The following TAF2 variants were observed in gnomAD, a reference collection of about 807,000 sequenced individuals.
The protein encoded by TAF2 is transcription initiation factor TFIID subunit 2.
In TAF2, 61 loss-of-function variants were observed where a neutral mutation model predicts 138.5. That is an observed-to-expected ratio of 0.44 (90% CI 0.36 to 0.54). The LOEUF is 0.54. Among genes scored for constraint, TAF2 ranks in the 20% least tolerant of loss-of-function variants. The pLI, the probability that TAF2 is intolerant of heterozygous loss-of-function variation, is 0.00. For synonymous variants in TAF2, 475 were observed against 469.9 expected (o/e 1.01, Z -0.14); for missense variants, 1,090 against 1,427.9 (o/e 0.76, Z 3.81).
In TAF2 at chr8:119,806,344, AG is replaced by A; in HGVS notation, c.356del (p.Pro119LeufsTer23). On this transcript the variant is annotated frameshift_variant, in exon 4 of 26. Coordinates refer to ENST00000378164, the MANE Select transcript of TAF2 (RefSeq NM_003184.4). LOFTEE classifies it high-confidence loss of function. ...TGCAAAGTTCTCCATTTCCTGCATCAGGGTCCACAGCACTAACTGCAGCTGC... is the reference window on the plus strand; with the variant it reads ...TGCAAAGTTCTCCATTTCCTGCATCAGGTCCACAGCACTAACTGCAGCTGC... ...AYAAAVSAVD[P>X]DAGNGELCIK... The A allele has an allele frequency of 6.2e-7, 1 of 1,614,150 alleles. No individual in the cohort carries two copies. Among genetic ancestry groups the A allele is most frequent in the Non-Finnish European group, 8.5e-7 (1 of 1,180,014 alleles).
intron 18 of TAF2, among the ~76,000 whole-genome samples, chr8:119,774,678 A>G (rs189593243): frequency 6.6e-6 from 1 of 152,182 alleles, no homozygotes; most frequent in East Asian, 1.9e-4. Context: ...TAAAATCCCA[A>G]TCTTGGATTT....
At chr8:119,826,343 A>C (rs2131269441) in intron 2 of TAF2, among the ~76,000 whole-genome samples, 1 of 151,660 alleles carries the variant, frequency 6.6e-6, no homozygotes, top group Non-Finnish European at 1.5e-5. Flanking sequence ...GCTGCCATCC[A>C]TGTAAGAGAT....
chr8:119,768,764 C>G (rs1022648747), intron 18 of TAF2, among the ~76,000 whole-genome samples: 2 of 152,230 alleles, frequency 1.3e-5, no homozygotes, highest in South Asian at 2.1e-4. Context: ...CCCTCTCCCT[C>G]TCTGCTTCAA....
Position 119,731,981 on chromosome 8 carries a change from G to A in TAF2, c.3543C>T (p.Phe1181=), listed in dbSNP as rs747243293. 2 of 1,614,206 alleles carry A rather than the reference G, an allele frequency of 1.2e-6. No homozygotes were observed. Among genetic ancestry groups the A allele is most frequent in the Non-Finnish European group, 1.7e-6 (2 of 1,180,038 alleles). The stretch of plus-strand genomic sequence containing the variant: ...TGCCACTGGCAGGGCTGGAGAAAGT[G>A]AAAGGCTCCTTGTCCTTTTCTTTAC... The part of the protein sequence containing the change: ...HDSKEKDKEP[F]TFSSPASGRS... The change falls in exon 26 of 26, where the codon TTC becomes TTT. Residue 1181 remains phenylalanine, a synonymous_variant. Transcript: ENST00000378164.
At chr8:119,792,295 G>A (rs1250719026) in intron 10 of TAF2, among the ~76,000 whole-genome samples, 1 of 151,746 alleles carries the variant, frequency 6.6e-6, no homozygotes, top group African/African-American at 2.4e-5. Context: ...TTGGGACCAG[G>A]CACCCACCAC....
At chr8:119,763,558 C>G (rs1032767032) in intron 18 of TAF2, among the ~76,000 whole-genome samples, 1 of 150,964 alleles carries the variant, frequency 6.6e-6, no homozygotes, top group Non-Finnish European at 1.5e-5. Context: ...GGTGAAACCC[C>G]ATCTCTACTA....
intron 2 of TAF2, among the ~76,000 whole-genome samples, chr8:119,821,486 C>T (rs796337768): frequency 9.8e-5 from 15 of 152,292 alleles, no homozygotes; most frequent in African/African-American, 3.6e-4. Flanking sequence ...TCACTATAAA[C>T]GAGGGTAGTG....
intron 3 of TAF2, among the ~76,000 whole-genome samples, chr8:119,811,443 G>A (rs1247411890): frequency 2.0e-5 from 3 of 152,022 alleles, no homozygotes; most frequent in Admixed American, 6.6e-5. Context: ...TAAACAGCTC[G>A]ATAAATTTTC....
chr8:119,793,239 AAAG>A, intron 10 of TAF2, 124 bp downstream of exon 10: 1 of 723,820 alleles, frequency 1.4e-6, no homozygotes, highest in Non-Finnish European at 2.3e-6. Flanking sequence ...AAGCTTTAGC[AAAG>A]AATAGCAATA....
intron 2 of TAF2, among the ~76,000 whole-genome samples, chr8:119,828,898 C>T (rs117778946): frequency 1.4e-3 from 214 of 152,294 alleles, no homozygotes; most frequent in South Asian, 3.7e-3. Context: ...CTCAGCTACT[C>T]GCCTCTGCCA....
intron 25 of TAF2, among the ~76,000 whole-genome samples, chr8:119,735,039 C>A (rs554580900): frequency 6.6e-6 from 1 of 152,206 alleles, no homozygotes. Flanking sequence ...GGAATTAAGT[C>A]AAAGAGAGAT....
intron 22 of TAF2, among the ~76,000 whole-genome samples, chr8:119,747,553 C>G (rs1445961240): frequency 6.6e-6 from 1 of 152,092 alleles, no homozygotes; most frequent in Admixed American, 6.5e-5. Context: ...CTCTGAGTCT[C>G]AGTTTTTTCT....
Position 119,789,675 on chromosome 8 carries a change from C to G in TAF2, c.1485G>C (p.Gln495His), listed in dbSNP as rs1417826238. 1 of 1,613,836 alleles carries G rather than the reference C, an allele frequency of 6.2e-7. No individual in the cohort carries two copies. The highest frequency in any genetic ancestry group is 1.3e-5 in the African/African-American group (1 of 74,908). Reference protein sequence around the residue: ...SQKFQSHMWSQMLVSTSGFLK... With the variant: ...SQKFQSHMWSHMLVSTSGFLK... Reference sequence around the variant, plus strand: ...AAAACCCAGATGTGGAAACCAACATCTGACTCCACATATGTGACTGGAACT... The same window carrying G: ...AAAACCCAGATGTGGAAACCAACATGTGACTCCACATATGTGACTGGAACT... Residue 495 changes from glutamine to histidine, a missense_variant, in exon 12 of 26, where the codon CAG (glutamine) becomes CAC (histidine). Coordinates refer to ENST00000378164, the MANE Select transcript of TAF2 (RefSeq NM_003184.4).
intron 3 of TAF2, among the ~76,000 whole-genome samples, chr8:119,810,243 G>T (rs1483033472): frequency 1.3e-5 from 2 of 152,116 alleles, no homozygotes; most frequent in Middle Eastern, 3.4e-3. Context: ...TAAATAAATG[G>T]AATCACATAG....
intron 18 of TAF2, among the ~76,000 whole-genome samples, chr8:119,763,911 G>A (rs1821243804): frequency 6.6e-6 from 1 of 151,692 alleles, no homozygotes; most frequent in Admixed American, 6.6e-5. Context: ...AGCACTTTGG[G>A]AAGCCAAGGC....
chr8:119,734,067 A>G (rs1375976939), intron 25 of TAF2, among the ~76,000 whole-genome samples: 2 of 152,124 alleles, frequency 1.3e-5, no homozygotes, highest in Non-Finnish European at 2.9e-5. Flanking sequence ...GCTGGCAAAC[A>G]TCTTAAAATG....
At chr8:119,734,157 C>G (rs544459968) in intron 25 of TAF2, among the ~76,000 whole-genome samples, 10 of 152,218 alleles carry the variant, frequency 6.6e-5, no homozygotes, top group South Asian at 4.1e-4. Context: ...CCTGCTGCAT[C>G]GTGGTCTTCC....
intron 24 of TAF2, among the ~76,000 whole-genome samples, chr8:119,743,245 G>T (rs1311108228): frequency 6.6e-6 from 1 of 151,292 alleles, no homozygotes; most frequent in Non-Finnish European, 1.5e-5. Context: ...GAAACATAAC[G>T]CTAAGTGAAA....
intron 14 of TAF2, among the ~76,000 whole-genome samples, chr8:119,785,889 T>A (rs1232693592): frequency 6.6e-6 from 1 of 152,110 alleles, no homozygotes; most frequent in African/African-American, 2.4e-5. Context: ...GAAAAAAACC[T>A]GAGAATAGCA....
Sources: gnomAD v4.1 joint callset for allele counts (sites outside exome capture counted in the v4.1 genomes callset) on GRCh38, gnomAD v4.1.1 for gene constraint, MANE v1.5 for transcripts, NCBI Gene and HGNC (gene_info 2026-07-23, HGNC 2026-07-21) for gene names.